The following NKAIN3 variants were observed in gnomAD, a reference collection of about 807,000 sequenced individuals.
The protein encoded by NKAIN3 is sodium/potassium transporting ATPase interacting 3.
NKAIN3 carries 25 observed loss-of-function variants against 30.2 expected under a neutral mutation model. The ratio of observed to expected loss-of-function variants is 0.83; its 90% CI spans 0.60 to 1.16. The LOEUF (loss-of-function observed/expected upper bound fraction) is 1.16. Among genes scored for constraint, NKAIN3 ranks in the 50% most tolerant of loss-of-function variants. NKAIN3 has a pLI of 0.00. For synonymous variants in NKAIN3, 91 were observed against 89.6 expected, an observed-to-expected ratio of 1.02 and a Z score of -0.09; for missense variants, 225 against 254.1, an observed-to-expected ratio of 0.89 and a Z score of 0.78.
At chr8:62,434,227 G>C (rs544063529) in intron 1 of NKAIN3, among the ~76,000 whole-genome samples, 4 of 152,294 alleles carry the variant, frequency 2.6e-5, no homozygotes, top group South Asian at 4.1e-4. Flanking sequence ...TCCTTCGGGA[G>C]GTAGCATTTG....
chr8:62,905,273 G>A (rs1821742690), intron 4 of NKAIN3, among the ~76,000 whole-genome samples: 1 of 152,150 alleles, frequency 6.6e-6, no homozygotes, highest in South Asian at 2.1e-4. Flanking sequence ...GCATGGCAGA[G>A]GAGAGTGGAA....
chr8:62,766,523 G>A (rs747040928), intron 4 of NKAIN3, among the ~76,000 whole-genome samples: 5 of 152,190 alleles, frequency 3.3e-5, no homozygotes, highest in Non-Finnish European at 7.3e-5. Flanking sequence ...TTATGGGTGA[G>A]AGGGTTCCTA....
chr8:62,419,053 GTCTTACTTCTA>G, intron 1 of NKAIN3, among the ~76,000 whole-genome samples: 1 of 152,168 alleles, frequency 6.6e-6, no homozygotes, highest in African/African-American at 2.4e-5. Context: ...AAAGGAGCCA[GTCTTACTTCTA>G]TCTTTTGGTT....
chr8:62,783,296 A>G (rs1049556631), intron 4 of NKAIN3, among the ~76,000 whole-genome samples: 1 of 152,118 alleles, frequency 6.6e-6, no homozygotes, highest in Non-Finnish European at 1.5e-5. Flanking sequence ...CCCAGAAGCC[A>G]GATAGCCCTT....
chr8:62,987,626 G>T (rs1824230156), downstream of NKAIN3, among the ~76,000 whole-genome samples: 1 of 152,032 alleles, frequency 6.6e-6, no homozygotes, highest in African/African-American at 2.4e-5. Flanking sequence ...CACAGCATGT[G>T]ACAGACCTCC....
At chr8:62,388,653 A>G (rs1045763251) in intron 1 of NKAIN3, among the ~76,000 whole-genome samples, 4 of 152,230 alleles carry the variant, frequency 2.6e-5, no homozygotes, top group African/African-American at 9.6e-5. Flanking sequence ...GTTTTTTAAA[A>G]CATCCATCAA....
At chr8:62,317,203 A>C (rs1442039847) in intron 1 of NKAIN3, among the ~76,000 whole-genome samples, 1 of 151,852 alleles carries the variant, frequency 6.6e-6, no homozygotes. Flanking sequence ...GATTGCAAAA[A>C]TTTTCTCCCA....
chr8:62,958,050 A>G (rs1241451473), intron 6 of NKAIN3, among the ~76,000 whole-genome samples: 1 of 151,976 alleles, frequency 6.6e-6, no homozygotes, highest in Non-Finnish European at 1.5e-5. Context: ...CTTTAAGGGG[A>G]AAAAAAAGCA....
chr8:62,463,918 T>A (rs548485827), intron 1 of NKAIN3, among the ~76,000 whole-genome samples: 1 of 152,270 alleles, frequency 6.6e-6, no homozygotes, highest in African/African-American at 2.4e-5. Context: ...CACAGGTAAC[T>A]GAAACTGTGA....
At chr8:62,414,001 A>C (rs2129596131) in intron 1 of NKAIN3, among the ~76,000 whole-genome samples, 1 of 152,312 alleles carries the variant, frequency 6.6e-6, no homozygotes, top group East Asian at 1.9e-4. Flanking sequence ...TTAGTAATTG[A>C]ATAAATCAGC....
chr8:62,739,611 C>CT (rs1586148344), intron 3 of NKAIN3, among the ~76,000 whole-genome samples: 1 of 151,962 alleles, frequency 6.6e-6, no homozygotes, highest in East Asian at 1.9e-4. Flanking sequence ...TAGCATTTTC[C>CT]ATGAACTTTT....
chr8:62,580,722 A>G (rs1810260729), intron 2 of NKAIN3, among the ~76,000 whole-genome samples: 1 of 152,016 alleles, frequency 6.6e-6, no homozygotes, highest in Non-Finnish European at 1.5e-5. Flanking sequence ...CTGCATTCCA[A>G]TGGCCTTGGG....
chr8:62,659,876 C>A (rs1323004719), intron 3 of NKAIN3, among the ~76,000 whole-genome samples: 2 of 152,120 alleles, frequency 1.3e-5, no homozygotes, highest in Non-Finnish European at 2.9e-5. Context: ...AGTTTCCCTG[C>A]ACAAGCACTG....
intron 4 of NKAIN3, among the ~76,000 whole-genome samples, chr8:62,849,669 T>G (rs1819816818): frequency 6.9e-6 from 1 of 144,446 alleles, no homozygotes; most frequent in Non-Finnish European, 1.5e-5. Context: ...GTGTTCTCAT[T>G]GTTCACTTCC....
chr8:62,910,733 A>G lies in NKAIN3; in HGVS notation c.472-7720A>G, dbSNP rs140629954. ...GTGGTATACACTTAGTTTCAGGTCA[A>G]GATTCTTCCATCGGGACAGGATTTT... On this transcript the variant is annotated intron_variant, in intron 4 of 6. Transcript: ENST00000623646. Among the ~76,000 whole-genome samples the G allele has an allele frequency of 9.5e-4, 141 of 148,070 alleles. 3 individuals are homozygous for G. In the East Asian group the frequency reaches 0.026, roughly 27 times the overall value.
chr8:62,610,019 T>G (rs1299173794), intron 3 of NKAIN3, among the ~76,000 whole-genome samples: 1 of 151,944 alleles, frequency 6.6e-6, no homozygotes, highest in African/African-American at 2.4e-5. Flanking sequence ...GAAAGTAAGA[T>G]GACCCACAGA....
At chr8:62,502,930 G>A (rs966568186) in intron 1 of NKAIN3, among the ~76,000 whole-genome samples, 1 of 152,150 alleles carries the variant, frequency 6.6e-6, no homozygotes, top group Non-Finnish European at 1.5e-5. Context: ...TTCTTGTGCA[G>A]CTGTAAAATG....
intron 5 of NKAIN3, among the ~76,000 whole-genome samples, chr8:62,929,629 T>G (rs543754401): frequency 6.6e-6 from 1 of 152,322 alleles, no homozygotes; most frequent in Non-Finnish European, 1.5e-5. Context: ...GGGAGGCTTT[T>G]CTGCCCAGAA....
intron 1 of NKAIN3, among the ~76,000 whole-genome samples, chr8:62,456,428 A>T (rs1805820675): frequency 1.3e-5 from 2 of 152,008 alleles, no homozygotes; most frequent in African/African-American, 4.8e-5. Flanking sequence ...CTGAGGCAGG[A>T]GAATGGCGTG....
Sources: allele counts gnomAD v4.1 joint callset (sites outside exome capture counted in the v4.1 genomes callset), GRCh38; gene constraint gnomAD v4.1.1; transcripts MANE v1.5; gene names NCBI Gene and HGNC (gene_info 2026-07-23, HGNC 2026-07-21).